NACAD: variants seen among roughly 807,000 people sequenced by gnomAD.
NACAD encodes NAC alpha domain containing.
In NACAD, 47 loss-of-function variants were observed where a neutral mutation model predicts 98.9. The observed-to-expected ratio is 0.48, with a 90% confidence interval of 0.38 to 0.61. The LOEUF is 0.61. Among genes scored for constraint, NACAD ranks in the 20% least tolerant of loss-of-function variants. The probability of loss-of-function intolerance (pLI) is 0.00; values close to 1 mark genes in which losing one functional copy is unlikely to be tolerated. For synonymous variants in NACAD, 696 were observed against 767.2 expected, an observed-to-expected ratio of 0.91 and a Z score of 1.53; for missense variants, 1,412 against 1,748.2, an observed-to-expected ratio of 0.81 and a Z score of 3.43.
In NACAD at chr7:45,085,221, T is replaced by C. The variant is rs926476758; in HGVS notation, c.959A>G (p.Gln320Arg). The C allele has an allele frequency of 6.4e-7, 1 of 1,551,334 alleles. No individual in the cohort carries two copies. The highest frequency in any genetic ancestry group is 1.4e-5 in the African/African-American group (1 of 73,038). The change falls in exon 2 of 8, where the codon CAG becomes CGG. Residue 320 changes from glutamine to arginine, a missense_variant. This residue lies in a region of NACAD where 638 missense variants were observed against 722.7 expected (regional missense o/e 0.88). Transcript: ENST00000490531. This position sits in a 1 kb window ranked among gnomAD's most constrained non-coding sequence, Gnocchi z 6.1. ...LLPFQGSLIF[Q>R]VEAVEVTPLS... Reference sequence around the variant, plus strand: ...CGGTGTCACCTCCACTGCCTCCACCTGAAAGATGAGGCTGCCCTGGAAGGG... The same window carrying C: ...CGGTGTCACCTCCACTGCCTCCACCCGAAAGATGAGGCTGCCCTGGAAGGG...
chr7:45,081,306 C>T lies in NACAD; in HGVS notation c.4258-43G>A, dbSNP rs757448674. ...AGGGGGGCTCAGACCTGGTGTTGAC[C>T]CACGTCGGGGGAGGAGAGCAGCACA... On this transcript the variant is annotated intron_variant, in intron 4 of 7. Coordinates refer to ENST00000490531, the MANE Select transcript of NACAD (RefSeq NM_001146334.2). The T allele has an allele frequency of 3.9e-4, 605 of 1,544,256 alleles. 1 individual carries two copies. The highest frequency in any genetic ancestry group is 4.8e-4 in the Non-Finnish European group (546 of 1,144,112).
intron 4 of NACAD, 113 bp from the exon 5 acceptor site, chr7:45,081,376 T>A: frequency 7.0e-7 from 1 of 1,430,594 alleles, no homozygotes; most frequent in Non-Finnish European, 9.4e-7. Context: ...CCCCAAGACC[T>A]TGGGCTGGTG....
At position 45,080,917 on chromosome 7, in the gene NACAD, T is replaced by G. The variant is rs887510856; in HGVS notation, c.4510A>C (p.Arg1504=). 2 of 1,555,298 alleles carry G rather than the reference T, an allele frequency of 1.3e-6. No homozygotes were observed. Among genetic ancestry groups the G allele is most frequent in the African/African-American group, 2.7e-5 (2 of 73,188 alleles). The change falls in exon 6 of 8, where the codon AGG becomes CGG. Residue 1504 remains arginine, a synonymous_variant. Coordinates refer to ENST00000490531, the MANE Select transcript of NACAD (RefSeq NM_001146334.2). The stretch of plus-strand genomic sequence containing the variant: ...TCTTCCTCTTCCTTGCACTCCAGCC[T>G]CACCCGGGGCCTGGGTGCTGACTCA... ...VPESAPRPRV[R]LECKEEEEEE...
chr7:45,084,961 C>G lies in NACAD; in HGVS notation c.1219G>C (p.Gly407Arg), dbSNP rs959222782. ...AEADDERLYS[G>R]EPHAQATLLQ... ...AAAGTGGCCTGGGCATGGGGCTCCC[C>G]GCTGTACAGCCTCTCATCATCTGCC... The change falls in exon 2 of 8, where the codon GGG (glycine) becomes CGG (arginine). Residue 407 changes from glycine to arginine, a missense_variant. Around this residue, in one of 5 missense-constraint regions of NACAD, gnomAD observed 638 missense variants for 722.7 expected, o/e 0.88. Transcript: ENST00000490531. 6.4e-7 allele frequency: 1 copy of G among 1,551,100 alleles called. No homozygotes were observed. Among genetic ancestry groups the G allele is most frequent in the Non-Finnish European group, 8.7e-7 (1 of 1,146,986 alleles).
In NACAD at chr7:45,080,895, T is replaced by G; in HGVS notation, c.4532A>C (p.Glu1511Ala). ...CTTCACCTCTTCCTCCTCCTCCTCT[T>G]CCTCTTCCTTGCACTCCAGCCTCAC... ...PRVRLECKEEEEEEEEEVDEA... is the reference protein window; with the variant it reads ...PRVRLECKEEAEEEEEEVDEA... Residue 1511 changes from glutamate (E) to alanine (A), a missense_variant, in exon 6 of 8, where the codon GAA becomes GCA. This residue lies in a region of NACAD where 88 missense variants were observed against 105.4 expected (regional missense o/e 0.84). Transcript: ENST00000490531. 1 of 1,557,940 alleles carries G rather than the reference T, an allele frequency of 6.4e-7. No individual in the cohort carries two copies. Among genetic ancestry groups the G allele is most frequent in the Middle Eastern group, 1.7e-4 (1 of 5,998 alleles).
chr7:45,082,231 C>A lies in NACAD; in HGVS notation c.3949G>T (p.Asp1317Tyr). The A allele has an allele frequency of 6.5e-7, 1 of 1,547,424 alleles. No individual in the cohort carries two copies. The highest frequency in any genetic ancestry group is 8.7e-7 in the Non-Finnish European group (1 of 1,145,036). The change falls in exon 2 of 8, where the codon GAC (aspartate) becomes TAC (tyrosine). Residue 1317 changes from aspartate to tyrosine, a missense_variant. Around this residue, in one of 5 missense-constraint regions of NACAD, gnomAD observed 572 missense variants for 639.6 expected, o/e 0.89. Coordinates refer to ENST00000490531, the MANE Select transcript of NACAD (RefSeq NM_001146334.2). The surrounding 1 kb of genome is among the most constrained non-coding windows in gnomAD (Gnocchi z 4.5). ...GGCGGCAAGATCTGCAAGGCCAGGTCTTTGGCATCCATGGAGGCCACCTTG... is the reference window on the plus strand; with the variant it reads ...GGCGGCAAGATCTGCAAGGCCAGGTATTTGGCATCCATGGAGGCCACCTTG... ...SPKVASMDAK[D>Y]LALQILPPCQ... is the part of the protein sequence containing the mutation.
chr7:45,080,494 G>A lies in NACAD; in HGVS notation c.*15C>T. 1 of 1,551,490 alleles carries A rather than the reference G, an allele frequency of 6.4e-7. No homozygotes were observed. Among genetic ancestry groups the A allele is most frequent in the South Asian group, 1.2e-5 (1 of 84,066 alleles). On this transcript the variant is annotated 3_prime_UTR_variant, in exon 8 of 8. Transcript: ENST00000490531. Reference sequence around the variant, plus strand: ...TGAGGGAAGGCGTAGGATGGCTCCAGCTTCCGGTCAGTGGCTACATGGTCA... The same window carrying A: ...TGAGGGAAGGCGTAGGATGGCTCCAACTTCCGGTCAGTGGCTACATGGTCA...
intron 1 of NACAD, among the ~76,000 whole-genome samples, chr7:45,086,817 T>C (rs1338219274): frequency 2.6e-5 from 4 of 152,118 alleles, no homozygotes; most frequent in African/African-American, 4.8e-5. Flanking sequence ...ACAAGGGCAG[T>C]GGTGGGCAGG....
rs1041275618 is a variant in NACAD, at chr7:45,085,677, G to C, written c.503C>G (p.Pro168Arg). Residue 168 changes from proline to arginine, a missense_variant, in exon 2 of 8, where the codon CCA (proline) becomes CGA (arginine). Physicochemically the swap from Pro to Arg is moderately radical, Grantham distance 103. This residue lies in a region of NACAD where 638 missense variants were observed against 722.7 expected (regional missense o/e 0.88). Transcript: ENST00000490531. The surrounding 1 kb of genome is among the most constrained non-coding windows in gnomAD (Gnocchi z 6.1). ...QGDLSVPSPP[P>R]DPDSFFTPPS... ...AGGCGTGAAGAAGGAATCAGGGTCT[G>C]GGGGAGGGGAAGGCACAGAAAGATC... 2 of 1,549,394 alleles carry C rather than the reference G, an allele frequency of 1.3e-6. No individual in the cohort carries two copies. The highest frequency in any genetic ancestry group is 3.9e-5 in the Admixed American group (2 of 50,822).
In NACAD at chr7:45,082,295, C is replaced by G; in HGVS notation, c.3885G>C (p.Pro1295=). The G allele has an allele frequency of 6.4e-7, 1 of 1,550,640 alleles. No individual in the cohort carries two copies. The highest frequency in any genetic ancestry group is 8.7e-7 in the Non-Finnish European group (1 of 1,146,966). ...SGTTQPLGTG[P]RVSLSPHSPL... ...GGGAGTGAGGCGAGAGGCTGACTCG[C>G]GGCCCAGTCCCCAGAGGCTGTGTGG... Residue 1295 remains proline, a synonymous_variant, in exon 2 of 8, where the codon CCG becomes CCC. Transcript: ENST00000490531. This position sits in a 1 kb window ranked among gnomAD's most constrained non-coding sequence, Gnocchi z 4.5.
intron 4 of NACAD, 103 bp from the exon 5 acceptor site, chr7:45,081,366 C>T: frequency 2.1e-6 from 3 of 1,457,236 alleles, no homozygotes; most frequent in Non-Finnish European, 2.8e-6. Flanking sequence ...CCGCCAACTT[C>T]CCCAAGACCT....
chr7:45,084,686 C>T lies in NACAD; in HGVS notation c.1494G>A (p.Val498=), dbSNP rs570760915. ...CAGCCTGTGGGGTCACTCTGGTAGC[C>T]ACCTCCACCTGGAGGCCTGGGGCTA... ...LQVAPGLQVE[V]ATRVTPQAGE... Residue 498 remains valine (V), a synonymous_variant, in exon 2 of 8, where the codon GTG becomes GTA. Transcript: ENST00000490531. The T allele has an allele frequency of 1.1e-4, 177 of 1,551,002 alleles. No homozygotes were observed. The African/African-American group carries it at 1.9e-3, about 17-fold the overall frequency.
chr7:45,088,833 C>T lies in NACAD; in HGVS notation c.62G>A (p.Arg21His), dbSNP rs747390579. ...AAGAGTGGCCACGGCCTCACCTGTG[C>T]GGGGCCCGGGTCGGTCCGCCTCGGG... ...LLPEADRPGP[R>H]TDLSCDAAAA... Residue 21 changes from arginine (R) to histidine (H), a missense_variant, in exon 1 of 8, where the codon CGC (arginine) becomes CAC (histidine). Physicochemically the swap from Arg to His is conservative, Grantham distance 29 (BLOSUM62 0). Transcript: ENST00000490531. The surrounding 1 kb of genome is among the most constrained non-coding windows in gnomAD (Gnocchi z 5.7). 1.3e-6 allele frequency: 2 copies of T among 1,490,864 alleles called. No individual in the cohort carries two copies. The highest frequency in any genetic ancestry group is 2.5e-5 in the South Asian group (2 of 79,976). 92.4% of individuals were successfully genotyped at this position (1,490,864 alleles called of 1,614,324 possible).
At position 45,088,683 on chromosome 7, in the gene NACAD, A is replaced by T; in HGVS notation, c.67+145T>A. The T allele has an allele frequency of 2.0e-6, 1 of 512,530 alleles. No homozygotes were observed. The highest frequency in any genetic ancestry group is 2.9e-6 in the Non-Finnish European group (1 of 346,914). 31.7% of individuals were successfully genotyped at this position (512,530 alleles called of 1,614,324 possible). On this transcript the variant is annotated intron_variant, in intron 1 of 7. Coordinates refer to ENST00000490531, the MANE Select transcript of NACAD (RefSeq NM_001146334.2). The surrounding 1 kb of genome is among the most constrained non-coding windows in gnomAD (Gnocchi z 5.7). The stretch of plus-strand genomic sequence containing the variant: ...AGAGGCGGTAGCAGGGTTCAGATGG[A>T]GGGAAGGACAGGGCGCGGAAAGGGG...
In NACAD at chr7:45,085,336, C is replaced by T; in HGVS notation, c.844G>A (p.Ala282Thr). ...TGGCCCCAGGAGGAGCTGCTGTCTG[C>T]AGAGAGGCTGGACTCAGAGGACGGG... ...EPPSSESSLSADSSSSWGQEG... is the reference protein window; with the variant it reads ...EPPSSESSLSTDSSSSWGQEG... Residue 282 changes from alanine (A) to threonine (T), a missense_variant, in exon 2 of 8, where the codon GCA becomes ACA. By Grantham distance (58) the Ala-to-Thr change is moderately conservative (BLOSUM62 0). This residue lies in a region of NACAD where 638 missense variants were observed against 722.7 expected (regional missense o/e 0.88). Transcript: ENST00000490531. The surrounding 1 kb of genome is among the most constrained non-coding windows in gnomAD (Gnocchi z 6.1). 1 of 1,550,852 alleles carries T rather than the reference C, an allele frequency of 6.4e-7. No individual in the cohort carries two copies. Among genetic ancestry groups the T allele is most frequent in the South Asian group, 1.2e-5 (1 of 84,022 alleles).
rs750975971 is a variant in NACAD, at chr7:45,084,428, C to A, written c.1752G>T (p.Thr584=). Residue 584 remains threonine (T), a synonymous_variant, in exon 2 of 8, where the codon ACG becomes ACT. Coordinates refer to ENST00000490531, the MANE Select transcript of NACAD (RefSeq NM_001146334.2). ...PSGRKPVAAA[T]IVPRQAKEDL... Reference sequence around the variant, plus strand: ...CCTCTTTAGCCTGCCTGGGGACAATCGTGGCTGCAGCTACAGGCTTTCTGC... The same window carrying A: ...CCTCTTTAGCCTGCCTGGGGACAATAGTGGCTGCAGCTACAGGCTTTCTGC... 6.4e-7 allele frequency: 1 copy of A among 1,551,826 alleles called. No individual in the cohort carries two copies. The highest frequency in any genetic ancestry group is 8.7e-7 in the Non-Finnish European group (1 of 1,146,934).
chr7:45,085,287 T>A lies in NACAD; in HGVS notation c.893A>T (p.Asp298Val). The A allele has an allele frequency of 6.4e-7, 1 of 1,551,106 alleles. No homozygotes were observed. Among genetic ancestry groups the A allele is most frequent in the Non-Finnish European group, 8.7e-7 (1 of 1,146,898 alleles). The part of the protein sequence containing the change: ...WGQEGHFFDL[D>V]FLANDPMIPA... ...GATCATTGGGTCATTGGCCAGGAAG[T>A]CCAGGTCGAAGAAGTGGCCCTCCTG... is the stretch of plus-strand genomic sequence containing the variant. The change falls in exon 2 of 8, where the codon GAC becomes GTC. Residue 298 changes from aspartate to valine, a missense_variant. By Grantham distance (152) the Asp-to-Val change is radical (BLOSUM62 -3). Around this residue, in one of 5 missense-constraint regions of NACAD, gnomAD observed 638 missense variants for 722.7 expected, o/e 0.88. Coordinates refer to ENST00000490531, the MANE Select transcript of NACAD (RefSeq NM_001146334.2). The surrounding 1 kb of genome is among the most constrained non-coding windows in gnomAD (Gnocchi z 6.1).
At position 45,081,614 on chromosome 7, in the gene NACAD, T is replaced by C; in HGVS notation, c.4244A>G (p.Lys1415Arg). Reference sequence around the variant, plus strand: ...CCACCAGCCCACCTTTCGGGCCTTCTTCTCACTGCGACTCTGCTTGGCTTT... The same window carrying C: ...CCACCAGCCCACCTTTCGGGCCTTCCTCTCACTGCGACTCTGCTTGGCTTT... ...IAKAKQSRSE[K>R]KARKAMSKLG... is the part of the protein sequence containing the mutation. Residue 1415 changes from lysine (K) to arginine (R), a missense_variant, in exon 4 of 8, where the codon AAG becomes AGG. By Grantham distance (26) the Lys-to-Arg change is conservative. Around this residue, in one of 5 missense-constraint regions of NACAD, gnomAD observed 572 missense variants for 639.6 expected, o/e 0.89. Transcript: ENST00000490531. 1.9e-6 allele frequency: 3 copies of C among 1,551,444 alleles called. No individual in the cohort carries two copies. Among genetic ancestry groups the C allele is most frequent in the Non-Finnish European group, 2.6e-6 (3 of 1,146,996 alleles).
rs1368541914 is a variant in NACAD, at chr7:45,088,694, G to T, written c.67+134C>A. 1 of 625,236 alleles carries T rather than the reference G, an allele frequency of 1.6e-6. No individual in the cohort carries two copies. Among genetic ancestry groups the T allele is most frequent in the Non-Finnish European group, 2.4e-6 (1 of 414,704 alleles). The allele number at this position is 625,236 out of a possible 1,614,324, so 38.7% of individuals were successfully genotyped here. ...CAGGGTTCAGATGGAGGGAAGGACA[G>T]GGCGCGGAAAGGGGAGGGGACTCGA... On this transcript the variant is annotated intron_variant, in intron 1 of 7. Coordinates refer to ENST00000490531, the MANE Select transcript of NACAD (RefSeq NM_001146334.2). The surrounding 1 kb of genome is among the most constrained non-coding windows in gnomAD (Gnocchi z 5.7).
Sources: allele counts gnomAD v4.1 joint callset (sites outside exome capture counted in the v4.1 genomes callset), GRCh38; gene constraint gnomAD v4.1.1; regional missense constraint gnomAD v4.1.1; non-coding constraint Gnocchi (gnomAD v3.1); transcripts MANE v1.5; gene names NCBI Gene and HGNC (gene_info 2026-07-23, HGNC 2026-07-21).